AGBL4: variants seen among roughly 807,000 people sequenced by gnomAD.
The protein encoded by AGBL4 is cytosolic carboxypeptidase 6.
Under a neutral mutation model 66.4 loss-of-function variants are expected in AGBL4, and 58 were observed. The observed-to-expected ratio is 0.87, with a 90% confidence interval of 0.71 to 1.09. The LOEUF (loss-of-function observed/expected upper bound fraction) is 1.09, where lower values mean the gene tolerates loss of function less well. AGBL4 is among the 50% of genes least tolerant of loss of function. AGBL4 has a pLI of 0.00. For synonymous variants in AGBL4, 234 were observed against 222.9 expected (o/e 1.05, Z -0.44); for missense variants, 579 against 631.0 (o/e 0.92, Z 0.88).
chr1:49,628,372 A>G (rs1645504737), intron 3 of AGBL4, among the ~76,000 whole-genome samples: 1 of 152,200 alleles, frequency 6.6e-6, no homozygotes, highest in South Asian at 2.1e-4. Context: ...ATAACCAAGC[A>G]TATATGCCAG....
Position 49,948,345 on chromosome 1 carries a change from A to AAT in AGBL4, c.34+75416_34+75417dup, listed in dbSNP as rs1297739449. Among the ~76,000 whole-genome samples, 5 of 114,364 alleles carry AAT rather than the reference A, an allele frequency of 4.4e-5. No individual in the cohort carries two copies. The South Asian group carries it at 1.2e-3, about 28-fold the overall frequency. 75.0% of individuals were successfully genotyped at this position (114,364 alleles called of 152,430 possible). The stretch of plus-strand genomic sequence containing the variant: ...ATATATAAACATATATAAATATATA[A>AAT]ATATATATAAATATATAAATACATA... On this transcript the variant is annotated intron_variant, in intron 1 of 13. Coordinates refer to ENST00000371839, the MANE Select transcript of AGBL4 (RefSeq NM_032785.4).
intron 4 of AGBL4, among the ~76,000 whole-genome samples, chr1:49,086,887 CCAAA>C (rs1644917615): frequency 1.3e-5 from 2 of 151,972 alleles, no homozygotes; most frequent in African/African-American, 2.4e-5. Context: ...ACCAGAGCAC[CCAAA>C]CAAAGAAATG....
At chr1:48,681,412 G>T (rs1178232294) in intron 6 of AGBL4, among the ~76,000 whole-genome samples, 1 of 152,064 alleles carries the variant, frequency 6.6e-6, no homozygotes, top group Non-Finnish European at 1.5e-5. Context: ...TCAAATTTTT[G>T]GCCCAGAGAT....
At chr1:49,362,089 T>G (rs1029098181) in intron 3 of AGBL4, among the ~76,000 whole-genome samples, 3 of 152,178 alleles carry the variant, frequency 2.0e-5, no homozygotes, top group African/African-American at 7.2e-5. Flanking sequence ...ATTTTTCCCA[T>G]TTGACATCTC....
intron 3 of AGBL4, among the ~76,000 whole-genome samples, chr1:49,373,606 G>A (rs1319908277): frequency 6.6e-6 from 1 of 152,056 alleles, no homozygotes; most frequent in Non-Finnish European, 1.5e-5. Context: ...AAATAAATTT[G>A]TTATGGCTTT....
At chr1:49,216,890 G>A (rs1417596027) in intron 4 of AGBL4, among the ~76,000 whole-genome samples, 1 of 151,998 alleles carries the variant, frequency 6.6e-6, no homozygotes, top group Non-Finnish European at 1.5e-5. Context: ...TATGAATTTG[G>A]GACCCACTTG....
intron 1 of AGBL4, among the ~76,000 whole-genome samples, chr1:49,948,238 A>G (rs1158432955): frequency 3.9e-5 from 4 of 101,678 alleles, no homozygotes; most frequent in Admixed American, 2.8e-4. Flanking sequence ...ATATAAATAT[A>G]TAAATAAATA....
chr1:48,558,955 C>T (rs553595910), intron 11 of AGBL4, among the ~76,000 whole-genome samples: 3 of 152,238 alleles, frequency 2.0e-5, no homozygotes, highest in Admixed American at 2.0e-4. Flanking sequence ...ATCATATGAG[C>T]AGTTTTTACA....
At position 49,916,187 on chromosome 1, in the gene AGBL4, C is replaced by A. The variant is rs573174895; in HGVS notation, c.35-64669G>T. 1.4e-4 allele frequency among the ~76,000 whole-genome samples: 22 copies of A among 152,306 alleles called. No homozygotes were observed. The South Asian group carries it at 1.5e-3, about 10-fold the overall frequency. On this transcript the variant is annotated intron_variant, in intron 1 of 13. Coordinates refer to ENST00000371839, the MANE Select transcript of AGBL4 (RefSeq NM_032785.4). ...TAAAAATCTGAGCGCCCCTCCCCTT[C>A]AAAAGGAACACAGCTCCTCGCCAGC...
chr1:50,000,906 G>C (rs972036226), intron 1 of AGBL4, among the ~76,000 whole-genome samples: 12 of 152,050 alleles, frequency 7.9e-5, no homozygotes, highest in Non-Finnish European at 1.5e-4. Flanking sequence ...CGGGACTCAG[G>C]GGGAAGGGTG....
chr1:48,591,236 C>T (rs1644915273), intron 9 of AGBL4, among the ~76,000 whole-genome samples: 1 of 152,102 alleles, frequency 6.6e-6, no homozygotes, highest in African/African-American at 2.4e-5. Context: ...GGTCTGAAAG[C>T]ACTACTATTA....
At chr1:49,536,756 A>G (rs776891939) in intron 3 of AGBL4, among the ~76,000 whole-genome samples, 1 of 152,224 alleles carries the variant, frequency 6.6e-6, no homozygotes, top group African/African-American at 2.4e-5. Flanking sequence ...CCACATATTT[A>G]CATCCAACTG....
intron 3 of AGBL4, among the ~76,000 whole-genome samples, chr1:49,410,811 T>C (rs1034664021): frequency 6.6e-6 from 1 of 152,116 alleles, no homozygotes. Flanking sequence ...CCCTCACACC[T>C]TATGATGATG....
At chr1:48,619,805 TGTG>T (rs1484980186) in intron 9 of AGBL4, among the ~76,000 whole-genome samples, 41 of 152,290 alleles carry the variant, frequency 2.7e-4, no homozygotes, top group Middle Eastern at 3.4e-3. Context: ...TGGGGGCTGC[TGTG>T]TACAGTGGCC....
At chr1:49,186,526 A>C (rs1414255939) in intron 4 of AGBL4, among the ~76,000 whole-genome samples, 1 of 152,192 alleles carries the variant, frequency 6.6e-6, no homozygotes, top group Middle Eastern at 3.2e-3. Context: ...TAATAAAACC[A>C]ACCCTACATG....
chr1:49,208,438 C>T (rs1347926451), intron 4 of AGBL4, among the ~76,000 whole-genome samples: 1 of 152,060 alleles, frequency 6.6e-6, no homozygotes, highest in Non-Finnish European at 1.5e-5. Context: ...ACCCACAGCC[C>T]AGCTTCTCCC....
chr1:49,987,619 A>G (rs1225606413), intron 1 of AGBL4, among the ~76,000 whole-genome samples: 1 of 152,050 alleles, frequency 6.6e-6, no homozygotes, highest in East Asian at 1.9e-4. Flanking sequence ...CACATATTAT[A>G]TTTAAGACAA....
At chr1:48,685,813 C>T (rs1355608238) in intron 6 of AGBL4, among the ~76,000 whole-genome samples, 1 of 152,172 alleles carries the variant, frequency 6.6e-6, no homozygotes, top group African/African-American at 2.4e-5. Context: ...AAATCTACCT[C>T]CCATGAAGTC....
intron 2 of AGBL4, among the ~76,000 whole-genome samples, chr1:49,827,186 C>T (rs553357753): frequency 4.6e-5 from 7 of 151,530 alleles, no homozygotes; most frequent in South Asian, 4.2e-4. Flanking sequence ...AATCACAGTA[C>T]CTAAAGAGAT....
Sources: allele counts gnomAD v4.1 joint callset (sites outside exome capture counted in the v4.1 genomes callset), GRCh38; gene constraint gnomAD v4.1.1; transcripts MANE v1.5; gene names NCBI Gene and HGNC (gene_info 2026-07-23, HGNC 2026-07-21).